The following SORCS1 variants were observed in gnomAD, a reference collection of about 807,000 sequenced individuals.
SORCS1 encodes VPS10 domain-containing receptor SorCS1.
SORCS1 carries 60 observed loss-of-function variants against 146.1 expected under a neutral mutation model. The observed-to-expected ratio is 0.41, with a 90% CI of 0.33 to 0.51. The LOEUF (loss-of-function observed/expected upper bound fraction) is 0.51, where lower values mean the gene tolerates loss of function less well. Ranked by LOEUF, SORCS1 falls within the 20% of genes least tolerant of loss-of-function variation. The pLI, the probability that SORCS1 is intolerant of heterozygous loss-of-function variation, is 0.21. For missense variants in SORCS1, 1,352 were observed against 1,487.6 expected, an observed-to-expected ratio of 0.91 and a Z score of 1.50; for synonymous variants, 637 against 584.0, an observed-to-expected ratio of 1.09 and a Z score of -1.31.
intron 2 of SORCS1, among the ~76,000 whole-genome samples, chr10:106,943,819 ATTAAT>A (rs545557733): frequency 3.4e-3 from 510 of 152,212 alleles, no homozygotes; most frequent in South Asian, 5.6e-3. Context: ...CAAAAAATTA[ATTAAT>A]TAATTAATTG....
intron 1 of SORCS1, among the ~76,000 whole-genome samples, chr10:107,109,497 G>T (rs547427628): frequency 2.6e-5 from 4 of 152,320 alleles, no homozygotes; most frequent in African/African-American, 4.8e-5. Context: ...AGCCAGAGGG[G>T]CTGGGATGTG....
chr10:106,962,034 T>TG lies in SORCS1; in HGVS notation c.559-5455dup, dbSNP rs538160788. The stretch of plus-strand genomic sequence containing the variant: ...GTTCACCTGCTTTGCATCAGGAGGT[T>TG]GGGGGGGTGTCAGTGGATTTGTAAG... On this transcript the variant is annotated intron_variant, in intron 1 of 25. Coordinates refer to ENST00000263054, the MANE Select transcript of SORCS1 (RefSeq NM_052918.5). 2.7e-3 allele frequency among the ~76,000 whole-genome samples: 417 copies of TG among 152,104 alleles called. 2 individuals carry two copies. The highest frequency in any genetic ancestry group is 6.6e-3 in the Admixed American group (100 of 15,256).
At chr10:106,891,082 C>G (rs1458978900) in intron 2 of SORCS1, among the ~76,000 whole-genome samples, 2 of 152,114 alleles carry the variant, frequency 1.3e-5, no homozygotes, top group Non-Finnish European at 2.9e-5. Context: ...TGAGTAACCC[C>G]CAGGCCTTCA....
At chr10:106,859,207 C>T (rs556500924) in intron 2 of SORCS1, among the ~76,000 whole-genome samples, 20 of 152,356 alleles carry the variant, frequency 1.3e-4, no homozygotes, top group African/African-American at 4.8e-4. Context: ...AATCAACTAG[C>T]AGTCAGCCTT....
intron 1 of SORCS1, among the ~76,000 whole-genome samples, chr10:107,028,369 C>G (rs1222947388): frequency 6.6e-6 from 1 of 152,198 alleles, no homozygotes; most frequent in South Asian, 2.1e-4. Context: ...GGGTTAGACT[C>G]CCATCTGCAC....
At chr10:107,172,776 T>G in the SORCS1 span, among the ~76,000 whole-genome samples, 1 of 152,124 alleles carries the variant, frequency 6.6e-6, no homozygotes, top group South Asian at 2.1e-4. Flanking sequence ...AAAGCTAAAT[T>G]TACACCTAAG....
Position 106,957,156 on chromosome 10 carries a change from T to G in SORCS1, c.559-576A>C, listed in dbSNP as rs548666896. On this transcript the variant is annotated intron_variant, in intron 1 of 25. Transcript: ENST00000263054. ...AAATTACATATCTATTAGCATGTGG[T>G]TTTTTTTTGTTTTTTTTGTTTTTTT... Among the ~76,000 whole-genome samples the G allele has an allele frequency of 1.0e-3, 41 of 40,782 alleles. 1 individual carries two copies. The South Asian group carries it at 0.02, about 20-fold the overall frequency. The allele number at this position is 40,782 out of a possible 152,430, so 26.8% of individuals were successfully genotyped here. A position where few individuals can be genotyped will look rare whatever the true frequency, so the allele number is the denominator to read the frequency against.
intron 5 of SORCS1, among the ~76,000 whole-genome samples, chr10:106,743,656 C>G (rs1172885877): frequency 1.3e-5 from 2 of 152,102 alleles, no homozygotes; most frequent in African/African-American, 2.4e-5. Context: ...AACTCCTGAC[C>G]TCAAGTGATC....
chr10:107,168,424 A>G (rs1970097332), upstream of SORCS1, among the ~76,000 whole-genome samples: 1 of 152,244 alleles, frequency 6.6e-6, no homozygotes, highest in Non-Finnish European at 1.5e-5. Context: ...CTTCCAAAAA[A>G]TCCACATGTG....
intron 5 of SORCS1, among the ~76,000 whole-genome samples, chr10:106,736,048 A>G (rs1856922671): frequency 6.6e-6 from 1 of 152,198 alleles, no homozygotes; most frequent in African/African-American, 2.4e-5. Flanking sequence ...ATGAATAAAA[A>G]CAAATCACAC....
At chr10:106,595,526 C>G (rs1449581356) in intron 24 of SORCS1, among the ~76,000 whole-genome samples, 1 of 152,120 alleles carries the variant, frequency 6.6e-6, no homozygotes, top group Non-Finnish European at 1.5e-5. Context: ...CCTCCATACT[C>G]CATGCTGAGG....
chr10:106,690,048 C>T (rs1010589964), intron 9 of SORCS1, among the ~76,000 whole-genome samples: 1 of 152,188 alleles, frequency 6.6e-6, no homozygotes, highest in Non-Finnish European at 1.5e-5. Flanking sequence ...AGCAGCCAGA[C>T]CAACTTCTTG....
At chr10:106,742,088 G>A (rs776157209) in intron 5 of SORCS1, among the ~76,000 whole-genome samples, 17 of 152,190 alleles carry the variant, frequency 1.1e-4, no homozygotes, top group Non-Finnish European at 1.8e-4. Context: ...AGTCAGTAAA[G>A]CTTGGAAGGG....
At chr10:106,584,538 T>A (rs543153811) in intron 24 of SORCS1, among the ~76,000 whole-genome samples, 19 of 152,250 alleles carry the variant, frequency 1.2e-4, no homozygotes, top group Non-Finnish European at 2.6e-4. Flanking sequence ...ATGAGAGACT[T>A]TCTACTAGAA....
intron 21 of SORCS1, among the ~76,000 whole-genome samples, chr10:106,617,216 G>A (rs759580967): frequency 1.1e-4 from 17 of 151,908 alleles, no homozygotes; most frequent in South Asian, 2.1e-4. Flanking sequence ...CGGCCTCCCA[G>A]TGCTGCGATT....
At chr10:106,902,831 C>A (rs1362013574) in intron 2 of SORCS1, among the ~76,000 whole-genome samples, 1 of 152,174 alleles carries the variant, frequency 6.6e-6, no homozygotes, top group Non-Finnish European at 1.5e-5. Flanking sequence ...ATAATCCCAG[C>A]ACTTTGGGAG....
chr10:107,173,259 G>A, the SORCS1 span, among the ~76,000 whole-genome samples: 1 of 152,136 alleles, frequency 6.6e-6, no homozygotes, highest in African/African-American at 2.4e-5. Flanking sequence ...AGGTCACGGA[G>A]TACAAAGTTA....
At chr10:106,700,768 A>C (rs1854082904) in intron 8 of SORCS1, among the ~76,000 whole-genome samples, 1 of 152,210 alleles carries the variant, frequency 6.6e-6, no homozygotes, top group Non-Finnish European at 1.5e-5. Flanking sequence ...TCGTGATCCC[A>C]GAGGGAGAAG....
At chr10:106,691,233 G>A (rs758307802) in intron 9 of SORCS1, among the ~76,000 whole-genome samples, 36 of 152,252 alleles carry the variant, frequency 2.4e-4, no homozygotes, top group Non-Finnish European at 4.4e-4. Context: ...TATTTCCTAC[G>A]GAAGCCATGT....
Sources: gnomAD v4.1 joint callset for allele counts (sites outside exome capture counted in the v4.1 genomes callset) on GRCh38, gnomAD v4.1.1 for gene constraint, MANE v1.5 for transcripts, NCBI Gene and HGNC (gene_info 2026-07-23, HGNC 2026-07-21) for gene names.